Variants in MYO16 observed in about 807,000 individuals in gnomAD.
MYO16 encodes unconventional myosin-XVI.
MYO16 carries 94 observed loss-of-function variants against 205.3 expected under a neutral mutation model. The ratio of observed to expected loss-of-function variants is 0.46; its 90% CI spans 0.39 to 0.54. MYO16 has a LOEUF of 0.54. Among genes scored for constraint, MYO16 ranks in the 20% least tolerant of loss-of-function variants. MYO16 has a pLI of 0.00. For synonymous variants in MYO16, 988 were observed against 954.0 expected, an observed-to-expected ratio of 1.04 and a Z score of -0.66; for missense variants, 2,315 against 2,387.5, an observed-to-expected ratio of 0.97 and a Z score of 0.63.
chr13:109,023,768 T>G (rs2139534255), intron 23 of MYO16, among the ~76,000 whole-genome samples: 1 of 109,768 alleles, frequency 9.1e-6, no homozygotes, highest in Non-Finnish European at 1.8e-5. Context: ...CAAATATGTT[T>G]TTATATACAT....
At chr13:108,927,865 C>T (rs746725800) in intron 16 of MYO16, among the ~76,000 whole-genome samples, 29 of 152,218 alleles carry the variant, frequency 1.9e-4, no homozygotes, top group Non-Finnish European at 3.5e-4. Flanking sequence ...CCGAGGTCAC[C>T]GGGCCAACGC....
At chr13:108,680,800 G>T (rs928662303) in intron 2 of MYO16, among the ~76,000 whole-genome samples, 1 of 152,180 alleles carries the variant, frequency 6.6e-6, no homozygotes, top group Non-Finnish European at 1.5e-5. Flanking sequence ...GAGTGTATGG[G>T]AGAGGTTCAG....
intron 15 of MYO16, among the ~76,000 whole-genome samples, chr13:108,903,404 G>A (rs978583271): frequency 7.2e-5 from 11 of 152,192 alleles, no homozygotes; most frequent in Admixed American, 2.6e-4. Flanking sequence ...GGGTCCACTG[G>A]GGATCTTAGA....
At chr13:108,763,048 T>C (rs1158713558) in intron 4 of MYO16, among the ~76,000 whole-genome samples, 2 of 152,228 alleles carry the variant, frequency 1.3e-5, no homozygotes, top group Non-Finnish European at 2.9e-5. Flanking sequence ...ACTGGAAATA[T>C]TATTTTCCCA....
At chr13:108,648,978 G>A (rs1373547607) in intron 1 of MYO16, among the ~76,000 whole-genome samples, 1 of 148,752 alleles carries the variant, frequency 6.7e-6, no homozygotes, top group African/African-American at 2.5e-5. Flanking sequence ...TGACAGCCAT[G>A]ATATCCTCAT....
chr13:108,794,088 A>G (rs1238034275), intron 6 of MYO16, among the ~76,000 whole-genome samples: 1 of 152,162 alleles, frequency 6.6e-6, no homozygotes, highest in African/African-American at 2.4e-5. Flanking sequence ...AGAAAACCAA[A>G]TATCACATTT....
intron 2 of MYO16, among the ~76,000 whole-genome samples, chr13:108,701,228 A>G (rs1289226996): frequency 6.6e-6 from 1 of 152,126 alleles, no homozygotes; most frequent in Non-Finnish European, 1.5e-5. Context: ...GGATTTTCAA[A>G]GTCTCCACAT....
intron 28 of MYO16, among the ~76,000 whole-genome samples, chr13:109,102,958 C>A (rs1485259419): frequency 1.3e-5 from 2 of 152,226 alleles, no homozygotes; most frequent in East Asian, 3.9e-4. Context: ...TAAATGTGCT[C>A]ATTCACTGAG....
At chr13:108,932,783 G>A (rs947270478) in intron 16 of MYO16, among the ~76,000 whole-genome samples, 4 of 152,100 alleles carry the variant, frequency 2.6e-5, no homozygotes, top group African/African-American at 9.7e-5. Context: ...CCAATAATGT[G>A]CCCCCTTTCC....
chr13:108,678,365 A>G (rs1882320270), intron 2 of MYO16, among the ~76,000 whole-genome samples: 1 of 152,162 alleles, frequency 6.6e-6, no homozygotes, highest in South Asian at 2.1e-4. Context: ...ATATTCACAG[A>G]AGGGGAAAAG....
intron 11 of MYO16, among the ~76,000 whole-genome samples, chr13:108,857,236 T>G (rs1000167816): frequency 2.0e-5 from 3 of 152,244 alleles, no homozygotes; most frequent in African/African-American, 7.2e-5. Flanking sequence ...TATCTGCCTT[T>G]AGAGAATTTA....
the MYO16 span, among the ~76,000 whole-genome samples, chr13:108,543,319 T>G: frequency 1.3e-5 from 2 of 152,148 alleles, no homozygotes; most frequent in Non-Finnish European, 2.9e-5. Context: ...AAGGATAATA[T>G]ACCTTCATGA....
At chr13:109,083,707 G>A (rs1427719605) in intron 27 of MYO16, among the ~76,000 whole-genome samples, 1 of 152,152 alleles carries the variant, frequency 6.6e-6, no homozygotes, top group African/African-American at 2.4e-5. Context: ...AAGACACAGT[G>A]TTTCAATGTT....
At chr13:108,789,621 C>T (rs188295321) in intron 5 of MYO16, among the ~76,000 whole-genome samples, 2 of 152,302 alleles carry the variant, frequency 1.3e-5, no homozygotes, top group East Asian at 3.9e-4. Context: ...AGGGTAGCTG[C>T]ACCCTTCCTG....
At chr13:108,548,295 G>A in the MYO16 span, among the ~76,000 whole-genome samples, 1 of 150,468 alleles carries the variant, frequency 6.6e-6, no homozygotes, top group Non-Finnish European at 1.5e-5. Flanking sequence ...GTGGTGGTTA[G>A]GATGATAAAA....
At position 109,097,278 on chromosome 13, in the gene MYO16, G is replaced by A. The variant is rs973624013; in HGVS notation, c.3336-3507G>A. ...CAGGAGGCAGAGGTTGCGGTCAGCCGAGATCACACCATTGCACTCCAGCCT... is the reference window on the plus strand; with the variant it reads ...CAGGAGGCAGAGGTTGCGGTCAGCCAAGATCACACCATTGCACTCCAGCCT... On this transcript the variant is annotated intron_variant, in intron 27 of 34. Coordinates refer to ENST00000457511, the MANE Select transcript of MYO16 (RefSeq NM_001198950.3). Among the ~76,000 whole-genome samples, 30 of 151,674 alleles carry A rather than the reference G, an allele frequency of 2.0e-4. 1 individual carries two copies. Among genetic ancestry groups the A allele is most frequent in the Middle Eastern group, 3.4e-3 (1 of 294 alleles).
chr13:108,663,630 T>C (rs568900247), intron 1 of MYO16, among the ~76,000 whole-genome samples: 9 of 152,306 alleles, frequency 5.9e-5, no homozygotes, highest in African/African-American at 2.2e-4. Context: ...ACATTCCCTC[T>C]TGACAGCCTG....
At chr13:108,799,926 T>G (rs566552190) in intron 6 of MYO16, among the ~76,000 whole-genome samples, 1 of 152,290 alleles carries the variant, frequency 6.6e-6, no homozygotes, top group Non-Finnish European at 1.5e-5. Context: ...AGCAAGGTTT[T>G]TAACTGAGCC....
intron 12 of MYO16, among the ~76,000 whole-genome samples, chr13:108,869,731 TAAAAAAAAAAAAA>T (rs68025820): frequency 3.0e-5 from 2 of 67,028 alleles, no homozygotes; most frequent in Non-Finnish European, 5.6e-5. Context: ...ACTCCGTTTC[TAAAAAAAAAAAAA>T]AAAAAAAAAA....
Sources: allele counts gnomAD v4.1 joint callset (sites outside exome capture counted in the v4.1 genomes callset), GRCh38; gene constraint gnomAD v4.1.1; transcripts MANE v1.5; gene names NCBI Gene and HGNC (gene_info 2026-07-23, HGNC 2026-07-21).